The following DLGAP1 variants were observed in gnomAD, a reference collection of about 807,000 sequenced individuals.
The protein encoded by DLGAP1 is disks large-associated protein 1.
Under a neutral mutation model 90.8 loss-of-function variants are expected in DLGAP1, and 11 were observed. The ratio of observed to expected loss-of-function variants is 0.12; its 90% CI spans 0.08 to 0.20. DLGAP1 has a LOEUF of 0.20. Among genes scored for constraint, DLGAP1 ranks in the 10% least tolerant of loss-of-function variants. The pLI is 1.00. For synonymous variants in DLGAP1, 558 were observed against 540.7 expected (o/e 1.03, Z -0.44); for missense variants, 1,050 against 1,333.8 (o/e 0.79, Z 3.31).
intron 7 of DLGAP1, among the ~76,000 whole-genome samples, chr18:3,612,693 C>T (rs1230252357): frequency 6.6e-6 from 1 of 152,190 alleles, no homozygotes; most frequent in South Asian, 2.1e-4. Flanking sequence ...CTTTGAATTA[C>T]AGTTTCATAA....
chr18:3,550,524 C>T (rs7231654), intron 9 of DLGAP1, among the ~76,000 whole-genome samples: 1 of 151,928 alleles, frequency 6.6e-6, no homozygotes, highest in Non-Finnish European at 1.5e-5. Context: ...CTGCACCTGG[C>T]CTTAGGGCCT....
chr18:3,650,121 G>A (rs2059245055), intron 7 of DLGAP1, among the ~76,000 whole-genome samples: 1 of 152,016 alleles, frequency 6.6e-6, no homozygotes, highest in Non-Finnish European at 1.5e-5. Context: ...TCGGCTCACC[G>A]CAACCTCCAC....
chr18:4,315,357 T>C (rs2080501111), intron 1 of DLGAP1, among the ~76,000 whole-genome samples: 1 of 152,232 alleles, frequency 6.6e-6, no homozygotes, highest in Non-Finnish European at 1.5e-5. Flanking sequence ...TGTTATTATC[T>C]AGATATTTTG....
intron 1 of DLGAP1, among the ~76,000 whole-genome samples, chr18:4,431,540 GGTAATTAAGAAT>G (rs2083284778): frequency 6.6e-6 from 1 of 152,146 alleles, no homozygotes; most frequent in Non-Finnish European, 1.5e-5. Context: ...TCTGGACAAA[GGTAATTAAGAAT>G]GTAATAGTCA....
chr18:4,034,571 T>C (rs1228378418), intron 2 of DLGAP1, among the ~76,000 whole-genome samples: 1 of 152,202 alleles, frequency 6.6e-6, no homozygotes, highest in African/African-American at 2.4e-5. Flanking sequence ...TTACAGATTT[T>C]ATAACCTTCC....
At chr18:4,143,477 G>A (rs1161995581) in intron 2 of DLGAP1, among the ~76,000 whole-genome samples, 1 of 151,724 alleles carries the variant, frequency 6.6e-6, no homozygotes, top group African/African-American at 2.4e-5. Flanking sequence ...AGCTTGTGGT[G>A]AGTGCTGCCA....
At chr18:3,531,813 T>C (rs900110049) in intron 10 of DLGAP1, among the ~76,000 whole-genome samples, 1 of 151,984 alleles carries the variant, frequency 6.6e-6, no homozygotes, top group African/African-American at 2.4e-5. Flanking sequence ...ATGTTTTCTA[T>C]AAGTGTGAGC....
chr18:3,880,203 T>C (rs2071119235), intron 3 of DLGAP1, 63 bp from the exon 4 acceptor site: 2 of 789,634 alleles, frequency 2.5e-6, no homozygotes, highest in African/African-American at 1.7e-5. Flanking sequence ...GTATTGCACT[T>C]TACAGGGTCT....
At chr18:4,217,580 C>T (rs1383179544) in intron 1 of DLGAP1, among the ~76,000 whole-genome samples, 1 of 151,906 alleles carries the variant, frequency 6.6e-6, no homozygotes, top group Admixed American at 6.6e-5. Flanking sequence ...CATATGCTTA[C>T]TTACCGTCTA....
Position 4,258,021 on chromosome 18 carries a change from G to A in DLGAP1, c.-266-106734C>T, listed in dbSNP as rs778109526. On this transcript the variant is annotated intron_variant, in intron 1 of 12. Coordinates refer to ENST00000315677, the MANE Select transcript of DLGAP1 (RefSeq NM_004746.4). ...TGTGTGTGTGTGTGTGCGCGCGCGC[G>A]CGTATAACCTATGTTGAATTCTGTC... 5.3e-5 allele frequency among the ~76,000 whole-genome samples: 8 copies of A among 149,870 alleles called. No homozygotes were observed. In the South Asian group the frequency reaches 8.3e-4, roughly 16 times the overall value.
chr18:4,278,932 A>G (rs963258066), intron 1 of DLGAP1, among the ~76,000 whole-genome samples: 6 of 152,206 alleles, frequency 3.9e-5, no homozygotes, highest in African/African-American at 1.2e-4. Context: ...GCAAACAAGA[A>G]AAAACCTTAA....
chr18:4,240,149 C>A (rs1363134977), intron 1 of DLGAP1, among the ~76,000 whole-genome samples: 3 of 152,070 alleles, frequency 2.0e-5, no homozygotes, highest in Non-Finnish European at 4.4e-5. Flanking sequence ...TTTTAATAGG[C>A]CAGGAAATCC....
intron 7 of DLGAP1, among the ~76,000 whole-genome samples, chr18:3,634,120 G>A (rs1036007029): frequency 6.6e-6 from 1 of 152,082 alleles, no homozygotes; most frequent in Admixed American, 6.5e-5. Context: ...GTGGCTGGAT[G>A]AGTATTATAC....
intron 5 of DLGAP1, among the ~76,000 whole-genome samples, chr18:3,748,244 G>T (rs761307523): frequency 5.3e-5 from 8 of 152,196 alleles, no homozygotes; most frequent in Admixed American, 2.0e-4. Flanking sequence ...GTTCTTAGGT[G>T]ACAGTGAGCC....
intron 8 of DLGAP1, among the ~76,000 whole-genome samples, chr18:3,573,615 C>T (rs1220824111): frequency 3.3e-5 from 5 of 151,684 alleles, no homozygotes; most frequent in Non-Finnish European, 4.4e-5. Flanking sequence ...GATCCAAGTC[C>T]GTAACATTTG....
At chr18:3,860,556 T>G (rs900216371) in intron 4 of DLGAP1, among the ~76,000 whole-genome samples, 2 of 152,226 alleles carry the variant, frequency 1.3e-5, no homozygotes, top group Admixed American at 6.5e-5. Context: ...CAAAGCTATA[T>G]TTACTCTTCC....
In DLGAP1 at chr18:4,032,588, A is replaced by T. The variant is rs557482082; in HGVS notation, c.-158-27387T>A. Among the ~76,000 whole-genome samples, 263 of 149,912 alleles carry T rather than the reference A, an allele frequency of 1.8e-3. 1 individual carries two copies. The highest frequency in any genetic ancestry group is 6.9e-3 in the Middle Eastern group (2 of 290). ...CTCTCTCCAAAGACAGAAACAGCTA[A>T]ATCAAAGCCTGTCCCTAGAGAGTTT... is the stretch of plus-strand genomic sequence containing the variant. On this transcript the variant is annotated intron_variant, in intron 2 of 12. Transcript: ENST00000315677.
At chr18:3,701,254 C>G (rs1003551693) in intron 7 of DLGAP1, among the ~76,000 whole-genome samples, 1 of 152,082 alleles carries the variant, frequency 6.6e-6, no homozygotes. Context: ...AAGAAAGAAC[C>G]AAACAGTCCG....
At chr18:4,070,666 G>T (rs2075434316) in intron 2 of DLGAP1, among the ~76,000 whole-genome samples, 3 of 151,780 alleles carry the variant, frequency 2.0e-5, no homozygotes, top group Admixed American at 2.0e-4. Context: ...TAGAATTCAT[G>T]GCAAGGAGCC....
Sources: gnomAD v4.1 joint callset for allele counts (sites outside exome capture counted in the v4.1 genomes callset) on GRCh38, gnomAD v4.1.1 for gene constraint, MANE v1.5 for transcripts, NCBI Gene and HGNC (gene_info 2026-07-23, HGNC 2026-07-21) for gene names.